Variants in DLGAP2 observed in about 807,000 individuals in gnomAD.
The protein encoded by DLGAP2 is DLG associated protein 2.
In DLGAP2, 26 loss-of-function variants were observed where a neutral mutation model predicts 100.3. That is an observed-to-expected ratio of 0.26 (90% confidence interval 0.19 to 0.36). The LOEUF (loss-of-function observed/expected upper bound fraction) is 0.36. Ranked by LOEUF, DLGAP2 falls within the 10% of genes least tolerant of loss-of-function variation. The probability of loss-of-function intolerance (pLI) is 1.00; values close to 1 mark genes in which losing one functional copy is unlikely to be tolerated. For missense variants in DLGAP2, 1,858 were observed against 1,453.2 expected, an observed-to-expected ratio of 1.28 and a Z score of -4.53; for synonymous variants, 886 against 630.1, an observed-to-expected ratio of 1.41 and a Z score of -6.08.
chr8:1,190,855 G>A (rs1292319810), intron 2 of DLGAP2, among the ~76,000 whole-genome samples: 3 of 152,148 alleles, frequency 2.0e-5, no homozygotes, highest in Non-Finnish European at 2.9e-5. Flanking sequence ...CCAGGCGCAC[G>A]CAGCAGCAAG....
chr8:1,291,092 T>A (rs575980238), intron 3 of DLGAP2, among the ~76,000 whole-genome samples: 1 of 152,094 alleles, frequency 6.6e-6, no homozygotes, highest in African/African-American at 2.4e-5. Context: ...ACAGGGCCTA[T>A]AAAATAATAA....
chr8:1,114,445 G>A (rs955817126), intron 2 of DLGAP2, among the ~76,000 whole-genome samples: 2 of 152,068 alleles, frequency 1.3e-5, no homozygotes, highest in Non-Finnish European at 2.9e-5. Flanking sequence ...AAGTGTCCAG[G>A]AATTTATCCA....
intron 4 of DLGAP2, among the ~76,000 whole-genome samples, chr8:1,517,555 T>G (rs984443411): frequency 6.6e-6 from 1 of 151,994 alleles, no homozygotes; most frequent in Non-Finnish European, 1.5e-5. Context: ...TTTGGAAAAC[T>G]GAGAAGCTCT....
chr8:744,064 G>A (rs1452163340), intron 1 of DLGAP2, among the ~76,000 whole-genome samples: 1 of 152,210 alleles, frequency 6.6e-6, no homozygotes, highest in African/African-American at 2.4e-5. Context: ...TTAGCTGAAG[G>A]AAGTGACTTG....
chr8:1,437,813 CAAAAAA>C lies in DLGAP2; in HGVS notation c.107-63535_107-63530del, dbSNP rs59165125. Reference sequence around the variant, plus strand: ...TGAAACCCCGTCTCTACTAAAAATACAAAAAAAAAAAAAAAAAAAAAAATTAGCCGG... The same window carrying C: ...TGAAACCCCGTCTCTACTAAAAATACAAAAAAAAAAAAAAAAATTAGCCGG... On this transcript the variant is annotated intron_variant, in intron 3 of 14. Transcript: ENST00000637795. Among the ~76,000 whole-genome samples the C allele has an allele frequency of 4.1e-3, 351 of 85,232 alleles. 1 individual carries two copies. The highest frequency in any genetic ancestry group is 9.3e-3 in the African/African-American group (213 of 22,892). The allele number at this position is 85,232 out of a possible 152,430, so 55.9% of individuals were successfully genotyped here. A position where few individuals can be genotyped will look rare whatever the true frequency, so the allele number is the denominator to read the frequency against.
intron 2 of DLGAP2, among the ~76,000 whole-genome samples, chr8:1,078,701 C>A (rs1041372926): frequency 6.6e-6 from 1 of 152,152 alleles, no homozygotes; most frequent in Non-Finnish European, 1.5e-5. Flanking sequence ...TAGTGATATG[C>A]ATTTAATTTT....
At chr8:740,877 G>T (rs1035899703) in intron 1 of DLGAP2, among the ~76,000 whole-genome samples, 4 of 152,160 alleles carry the variant, frequency 2.6e-5, no homozygotes, top group African/African-American at 9.7e-5. Flanking sequence ...CAGGATGGAT[G>T]CTCCATGGTC....
At chr8:1,560,187 T>C (rs1048477218) in intron 5 of DLGAP2, among the ~76,000 whole-genome samples, 2 of 152,222 alleles carry the variant, frequency 1.3e-5, no homozygotes, top group African/African-American at 2.4e-5. Context: ...ACGGTCCCTG[T>C]TTCACATCTT....
intron 3 of DLGAP2, among the ~76,000 whole-genome samples, chr8:1,344,689 C>T (rs765434712): frequency 2.1e-4 from 32 of 152,172 alleles, no homozygotes; most frequent in Non-Finnish European, 3.5e-4. Context: ...CTCCCGCGCT[C>T]CTCCGTAACC....
At chr8:1,060,402 G>A (rs55913329) in intron 2 of DLGAP2, among the ~76,000 whole-genome samples, 6 of 63,814 alleles carry the variant, frequency 9.4e-5, no homozygotes, top group Non-Finnish European at 2.1e-4. Context: ...CCCTGAGGGC[G>A]TTGGTCCCTC....
At chr8:1,515,533 CACAT>C (rs1262289435) in intron 4 of DLGAP2, among the ~76,000 whole-genome samples, 1 of 152,212 alleles carries the variant, frequency 6.6e-6, no homozygotes, top group Non-Finnish European at 1.5e-5. Flanking sequence ...CATGCAGACA[CACAT>C]GCAGATGCAC....
intron 3 of DLGAP2, among the ~76,000 whole-genome samples, chr8:1,468,654 C>G (rs1798697061): frequency 6.6e-6 from 1 of 152,172 alleles, no homozygotes; most frequent in Non-Finnish European, 1.5e-5. Context: ...GCATTCCTCG[C>G]TTTATTTACT....
chr8:1,362,047 A>G (rs539832084), intron 3 of DLGAP2, among the ~76,000 whole-genome samples: 17 of 152,280 alleles, frequency 1.1e-4, no homozygotes, highest in African/African-American at 4.1e-4. Context: ...GTCTGGGGTT[A>G]AAGTTTAGGA....
intron 2 of DLGAP2, among the ~76,000 whole-genome samples, chr8:1,052,138 T>C (rs1289628548): frequency 1.3e-5 from 2 of 152,132 alleles, no homozygotes; most frequent in Admixed American, 6.5e-5. Flanking sequence ...TTGTGGGCAC[T>C]GAACTCCCGT....
At chr8:1,457,791 A>T (rs2130138749) in intron 3 of DLGAP2, among the ~76,000 whole-genome samples, 1 of 151,854 alleles carries the variant, frequency 6.6e-6, no homozygotes, top group Admixed American at 6.6e-5. Flanking sequence ...TCCCTCCAGG[A>T]TGCCTCAGTG....
At chr8:1,302,591 C>T (rs1487320081) in intron 3 of DLGAP2, 1 of 152,254 alleles carries the variant, frequency 6.6e-6, no homozygotes. Context: ...ATACCTGGGA[C>T]CGGACTCGGT....
intron 3 of DLGAP2, among the ~76,000 whole-genome samples, chr8:1,289,787 C>T (rs1800019426): frequency 6.6e-6 from 1 of 152,186 alleles, no homozygotes; most frequent in African/African-American, 2.4e-5. Context: ...TGCTGCGGAC[C>T]ACAGATGAGG....
At chr8:1,316,216 C>G (rs1420918445) in intron 3 of DLGAP2, among the ~76,000 whole-genome samples, 1 of 128,148 alleles carries the variant, frequency 7.8e-6, no homozygotes, top group African/African-American at 2.9e-5. Flanking sequence ...AGTGCAGCGT[C>G]TCTCCAACAG....
chr8:987,513 C>T (rs1165772480), intron 2 of DLGAP2, among the ~76,000 whole-genome samples: 2 of 152,172 alleles, frequency 1.3e-5, no homozygotes, highest in African/African-American at 4.8e-5. Context: ...CCCCCACGAC[C>T]TTCCCTTGTC....
Sources: allele counts gnomAD v4.1 joint callset (sites outside exome capture counted in the v4.1 genomes callset), GRCh38; gene constraint gnomAD v4.1.1; transcripts MANE v1.5; gene names NCBI Gene and HGNC (gene_info 2026-07-23, HGNC 2026-07-21).